The following MPDZ variants were observed in gnomAD, a reference collection of about 807,000 sequenced individuals.
MPDZ encodes the protein multiple PDZ domain protein.
A neutral mutation model predicts 239.1 loss-of-function variants in MPDZ; 234 were observed. The ratio of observed to expected loss-of-function variants is 0.98; its 90% CI spans 0.88 to 1.09. MPDZ has a LOEUF of 1.09. Ranked by LOEUF, MPDZ falls within the 50% of genes least tolerant of loss-of-function variation. The probability of loss-of-function intolerance (pLI) is 0.00; values close to 1 mark genes in which losing one functional copy is unlikely to be tolerated. For synonymous variants in MPDZ, 1,048 were observed against 881.3 expected (o/e 1.19, Z -3.35); for missense variants, 3,175 against 2,510.0 (o/e 1.26, Z -5.66).
intron 1 of MPDZ, among the ~76,000 whole-genome samples, chr9:13,260,275 C>T (rs1970378410): frequency 6.6e-6 from 1 of 151,872 alleles, no homozygotes; most frequent in African/African-American, 2.4e-5. Context: ...GAGGCATTTT[C>T]AAAACTAGAG....
chr9:13,269,969 TA>T (rs1435781055), intron 1 of MPDZ, among the ~76,000 whole-genome samples: 2 of 152,348 alleles, frequency 1.3e-5, no homozygotes, highest in East Asian at 3.9e-4. Flanking sequence ...AATTCACAGA[TA>T]ATGTAACAAG....
chr9:13,205,841 A>T, intron 11 of MPDZ, 75 bp downstream of exon 11: 1 of 1,299,436 alleles, frequency 7.7e-7, no homozygotes, highest in Non-Finnish European at 1.0e-6. Flanking sequence ...CTGAAATAGT[A>T]AGTTACTTTG....
At chr9:13,227,374 T>A (rs72706376) in intron 3 of MPDZ, among the ~76,000 whole-genome samples, 1 of 151,996 alleles carries the variant, frequency 6.6e-6, no homozygotes, top group African/African-American at 2.4e-5. Context: ...ATGCCAAGAT[T>A]GATTTTTTTT....
At position 13,224,221 on chromosome 9, in the gene MPDZ, T is replaced by C. The variant is rs78300495; in HGVS notation, c.393+153A>G. On this transcript the variant is annotated intron_variant, in intron 4 of 46. Transcript: ENST00000319217. Reference sequence around the variant, plus strand: ...GATGATAAAACTGTAATAGAAAACGTCTGAACCATCTAAACTCCCACAAAA... The same window carrying C: ...GATGATAAAACTGTAATAGAAAACGCCTGAACCATCTAAACTCCCACAAAA... 5.5e-3 allele frequency among the ~76,000 whole-genome samples: 842 copies of C among 152,178 alleles called. 3 individuals carry two copies. The highest frequency in any genetic ancestry group is 0.019 in the African/African-American group (789 of 41,538).
chr9:13,202,515 T>C lies in MPDZ; in HGVS notation c.1546+2521A>G, dbSNP rs1294164073. On this transcript the variant is annotated intron_variant, in intron 12 of 46. Coordinates refer to ENST00000319217, the MANE Select transcript of MPDZ (RefSeq NM_001378778.1). ...AACATGGCGTACCCACTTATCAGAG[T>C]GCAGAATACCTGCCAAGATACATGC... is the stretch of plus-strand genomic sequence containing the variant. Among the ~76,000 whole-genome samples the C allele has an allele frequency of 7.9e-5, 12 of 152,212 alleles. No individual in the cohort carries two copies. The East Asian group carries it at 2.1e-3, about 27-fold the overall frequency.
intron 12 of MPDZ, among the ~76,000 whole-genome samples, chr9:13,198,745 G>C (rs956261749): frequency 5.5e-4 from 45 of 81,602 alleles, no homozygotes; most frequent in South Asian, 5.4e-3. Context: ...CTCTGTGTGT[G>C]TGTGTGTGTG....
In MPDZ at chr9:13,126,758, C is replaced by G. The variant is rs754898618; in HGVS notation, c.4479G>C (p.Leu1493Phe). Reference protein sequence around the residue: ...HLELPKDQGGLGIAISEEDTL... With the variant: ...HLELPKDQGGFGIAISEEDTL... ...TATCTTCTTCGCTGATAGCAATACC[C>G]AAACCCCCCTGATCCTAGAAAAGTA... Residue 1493 changes from leucine (L) to phenylalanine (F), a missense_variant, in exon 33 of 47, where the codon TTG becomes TTC. Physicochemically the swap from Leu to Phe is conservative, Grantham distance 22. Coordinates refer to ENST00000319217, the MANE Select transcript of MPDZ (RefSeq NM_001378778.1). 14 of 1,613,676 alleles carry G rather than the reference C, an allele frequency of 8.7e-6. No individual in the cohort carries two copies. The highest frequency in any genetic ancestry group is 1.7e-5 in the Admixed American group (1 of 59,998).
rs1334142575 is a variant in MPDZ, at chr9:13,121,745, C to G, written c.5225G>C (p.Gly1742Ala). The G allele has an allele frequency of 6.2e-7, 1 of 1,613,824 alleles. No individual in the cohort carries two copies. Among genetic ancestry groups the G allele is most frequent in the African/African-American group, 1.3e-5 (1 of 74,916 alleles). Residue 1742 changes from glycine to alanine, a missense_variant, in exon 38 of 47, where the codon GGT becomes GCT. Gly to Ala is a moderately conservative substitution (Grantham distance 60). Transcript: ENST00000319217. Reference protein sequence around the residue: ...PGKGLGLSIVGKRNDTGVFVS... With the variant: ...PGKGLGLSIVAKRNDTGVFVS... Reference sequence around the variant, plus strand: ...TTGTCCTCCTCAATCACACCTTTTACCAACAATACTTAATCCTAGGCCTTT... The same window carrying G: ...TTGTCCTCCTCAATCACACCTTTTAGCAACAATACTTAATCCTAGGCCTTT...
intron 3 of MPDZ, 55 bp from the exon 4 acceptor site, chr9:13,224,638 A>G: frequency 1.7e-6 from 2 of 1,192,064 alleles, no homozygotes; most frequent in Non-Finnish European, 1.2e-6. Flanking sequence ...ACTATTTCAT[A>G]GAAAATATCC....
At chr9:13,127,985 G>T (rs1032383140) in intron 32 of MPDZ, among the ~76,000 whole-genome samples, 2 of 152,066 alleles carry the variant, frequency 1.3e-5, no homozygotes, top group African/African-American at 2.4e-5. Flanking sequence ...GGTACAGTGG[G>T]TATTTGCTGA....
At chr9:13,125,193 T>G in intron 35 of MPDZ, 23 bp downstream of exon 35, 1 of 1,542,750 alleles carries the variant, frequency 6.5e-7, no homozygotes, top group Non-Finnish European at 8.8e-7. Flanking sequence ...TGTGCAGGAC[T>G]CTCATGAGTC....
At chr9:13,109,246 C>T (rs764044712) in intron 45 of MPDZ, among the ~76,000 whole-genome samples, 187 bp from the exon 46 acceptor site, 2 of 152,178 alleles carry the variant, frequency 1.3e-5, no homozygotes, top group East Asian at 1.9e-4. Context: ...TTTAAATTTA[C>T]ATAATCTAAT....
At position 13,121,776 on chromosome 9, in the gene MPDZ, G is replaced by A. The variant is rs200604403; in HGVS notation, c.5194C>T (p.Pro1732Ser). The A allele has an allele frequency of 6.2e-7, 1 of 1,613,822 alleles. No homozygotes were observed. Among genetic ancestry groups the A allele is most frequent in the Middle Eastern group, 1.6e-4 (1 of 6,062 alleles). The change falls in exon 38 of 47, where the codon CCG becomes TCG. Residue 1732 changes from proline to serine, a missense_variant. Physicochemically the swap from Pro to Ser is moderately conservative, Grantham distance 74. Coordinates refer to ENST00000319217, the MANE Select transcript of MPDZ (RefSeq NM_001378778.1). ...ATACTTAATCCTAGGCCTTTTCCCG[G>A]CTTCTTCTGCAGCTCAATAGTGAGG... ...DTLTIELQKK[P>S]GKGLGLSIVG...
Position 13,224,397 on chromosome 9 carries a change from G to C in MPDZ, c.370C>G (p.Gln124Glu). 1 of 1,612,332 alleles carries C rather than the reference G, an allele frequency of 6.2e-7. No homozygotes were observed. The highest frequency in any genetic ancestry group is 8.5e-7 in the Non-Finnish European group (1 of 1,178,978). Residue 124 changes from glutamine to glutamate, a missense_variant, in exon 4 of 47, where the codon CAG becomes GAG. By Grantham distance (29) the Gln-to-Glu change is conservative. Transcript: ENST00000319217. ...NGKPACDEFDQLIKNMAQGRH... is the reference protein window; with the variant it reads ...NGKPACDEFDELIKNMAQGRH... ...ACCTGGGCCATATTTTTGATAAGCT[G>C]ATCAAATTCATCACAAGCAGGTTTC...
chr9:13,206,880 T>A (rs932754074), intron 10 of MPDZ, among the ~76,000 whole-genome samples: 11 of 152,110 alleles, frequency 7.2e-5, no homozygotes, highest in African/African-American at 2.7e-4. Context: ...GGTCTCCCTA[T>A]GTTGCTAAGG....
chr9:13,156,666 G>A (rs1033523707), intron 24 of MPDZ, among the ~76,000 whole-genome samples: 7 of 152,144 alleles, frequency 4.6e-5, no homozygotes, highest in African/African-American at 1.4e-4. Flanking sequence ...GGGACACAGA[G>A]CCAAACTATA....
Position 13,110,687 on chromosome 9 carries a change from G to A in MPDZ, c.5778C>T (p.His1926=), listed in dbSNP as rs1231568413. Residue 1926 remains histidine, a synonymous_variant, in exon 44 of 47, where the codon CAC becomes CAT. Coordinates refer to ENST00000319217, the MANE Select transcript of MPDZ (RefSeq NM_001378778.1). ...TTTTCAGTAGGTTAACTGCTTGGGT[G>A]TGAGTCATGCCCTCAGTGGATGTGC... ...ICGTSTEGMT[H]TQAVNLLKNA... The A allele has an allele frequency of 1.9e-6, 3 of 1,613,726 alleles. No individual in the cohort carries two copies. Among genetic ancestry groups the A allele is most frequent in the Admixed American group, 1.7e-5 (1 of 59,968 alleles).
intron 23 of MPDZ, among the ~76,000 whole-genome samples, chr9:13,158,315 C>T (rs1247424532): frequency 6.6e-6 from 1 of 152,088 alleles, no homozygotes; most frequent in African/African-American, 2.4e-5. Flanking sequence ...ATCAACGTAC[C>T]ATAGCGTAGA....
At chr9:13,140,193 A>G in intron 27 of MPDZ, 44 bp from the exon 28 acceptor site, 2 of 1,565,598 alleles carry the variant, frequency 1.3e-6, no homozygotes, top group South Asian at 2.4e-5. Context: ...CAGTCTAAGG[A>G]AGAAAACTTC....
Sources: gnomAD v4.1 joint callset for allele counts (sites outside exome capture counted in the v4.1 genomes callset) on GRCh38, gnomAD v4.1.1 for gene constraint, MANE v1.5 for transcripts, NCBI Gene and HGNC (gene_info 2026-07-23, HGNC 2026-07-21) for gene names.